The following CLIP2 variants were observed in gnomAD, a reference collection of about 807,000 sequenced individuals.
The protein encoded by CLIP2 is CAP-Gly domain-containing linker protein 2.
CLIP2 carries 41 observed loss-of-function variants against 111.7 expected under a neutral mutation model. The observed-to-expected ratio is 0.37, with a 90% CI of 0.29 to 0.48. The LOEUF is 0.48. Among genes scored for constraint, CLIP2 ranks in the 20% least tolerant of loss-of-function variants. The pLI, the probability that CLIP2 is intolerant of heterozygous loss-of-function variation, is 0.99. For missense variants in CLIP2, 1,160 were observed against 1,422.1 expected (o/e 0.82, Z 2.96); for synonymous variants, 660 against 644.2 (o/e 1.02, Z -0.37).
chr7:74,349,764 C>T (rs1554307158), intron 3 of CLIP2, among the ~76,000 whole-genome samples: 2 of 151,280 alleles, frequency 1.3e-5, no homozygotes, highest in African/African-American at 4.9e-5. Flanking sequence ...CAGGCGTGCA[C>T]CACCACGCCC....
chr7:74,366,875 C>CAAAAAA (rs35336151), intron 8 of CLIP2, among the ~76,000 whole-genome samples: 4 of 66,110 alleles, frequency 6.1e-5, no homozygotes, highest in South Asian at 6.0e-4. Flanking sequence ...GACTCCTTCT[C>CAAAAAA]AAAAAAAAAA....
intron 13 of CLIP2, among the ~76,000 whole-genome samples, chr7:74,394,714 G>A (rs1562729608): frequency 2.6e-5 from 4 of 152,194 alleles, no homozygotes; most frequent in Non-Finnish European, 4.4e-5. Context: ...CCCTGCCCAG[G>A]AGGGAAACAG....
intron 2 of CLIP2, among the ~76,000 whole-genome samples, chr7:74,323,019 G>A (rs1227810169): frequency 6.6e-6 from 1 of 151,998 alleles, no homozygotes; most frequent in Non-Finnish European, 1.5e-5. Context: ...ATGAGCCACC[G>A]CGCCTGGCCC....
chr7:74,397,020 G>A (rs1791469389), intron 13 of CLIP2, 54 bp from the exon 14 acceptor site: 18 of 1,587,764 alleles, frequency 1.1e-5, no homozygotes, highest in Admixed American at 8.6e-5. Flanking sequence ...TAGAGTGTGG[G>A]AGCTGGAGGA....
At chr7:74,325,272 G>A (rs1329728091) in intron 2 of CLIP2, among the ~76,000 whole-genome samples, 2 of 152,150 alleles carry the variant, frequency 1.3e-5, no homozygotes, top group Non-Finnish European at 2.9e-5. Flanking sequence ...AGGAGGTGGT[G>A]CAGGGCTACA....
chr7:74,354,822 C>T (rs962516952), intron 4 of CLIP2, among the ~76,000 whole-genome samples: 3 of 152,206 alleles, frequency 2.0e-5, no homozygotes, highest in South Asian at 2.1e-4. Context: ...AGGCAGCAGT[C>T]CCTGTCATCT....
Position 74,404,168 on chromosome 7 carries a change from A to C in CLIP2, c.*320A>C. 1 of 393,016 alleles carries C rather than the reference A, an allele frequency of 2.5e-6. No homozygotes were observed. The highest frequency in any genetic ancestry group is 2.6e-5 in the South Asian group (1 of 38,352). 24.3% of individuals were successfully genotyped at this position (393,016 alleles called of 1,614,324 possible). On this transcript the variant is annotated 3_prime_UTR_variant, in exon 17 of 17. Transcript: ENST00000223398. Reference sequence around the variant, plus strand: ...GATCCGGCCAGGCCCCTCTGTCCAGAAGGAGCTGCCCTGAGGACCATCTTA... The same window carrying C: ...GATCCGGCCAGGCCCCTCTGTCCAGCAGGAGCTGCCCTGAGGACCATCTTA...
chr7:74,297,520 C>A (rs1026320669), intron 1 of CLIP2, among the ~76,000 whole-genome samples: 6 of 152,016 alleles, frequency 3.9e-5, no homozygotes, highest in Non-Finnish European at 8.8e-5. Flanking sequence ...AAAGCAGGGC[C>A]CCCCCTTTGA....
chr7:74,396,969 C>A (rs367819935), intron 13 of CLIP2, 105 bp from the exon 14 acceptor site: 1 of 1,402,212 alleles, frequency 7.1e-7, no homozygotes, highest in Non-Finnish European at 9.7e-7. Context: ...TAGCCCATGT[C>A]CCCCACCAGT....
chr7:74,372,477 G>T (rs962235330), intron 8 of CLIP2, among the ~76,000 whole-genome samples: 2 of 151,696 alleles, frequency 1.3e-5, no homozygotes, highest in African/African-American at 4.8e-5. Flanking sequence ...CCTGTGTGGA[G>T]GATGCTTTGC....
At chr7:74,394,963 G>A (rs191951687) in intron 13 of CLIP2, among the ~76,000 whole-genome samples, 103 of 152,218 alleles carry the variant, frequency 6.8e-4, no homozygotes, top group African/African-American at 1.3e-3. Flanking sequence ...GCTGAGTCTC[G>A]ATAGAACTTT....
intron 7 of CLIP2, 96 bp from the exon 8 acceptor site, chr7:74,364,159 A>G (rs1790411000): frequency 8.7e-7 from 1 of 1,153,572 alleles, no homozygotes; most frequent in East Asian, 2.6e-5. Flanking sequence ...ATTCTGGGCC[A>G]TTCTCATGGC....
chr7:74,380,734 C>G (rs1790918502), intron 10 of CLIP2, 72 bp from the exon 11 acceptor site: 2 of 1,334,998 alleles, frequency 1.5e-6, no homozygotes, highest in Non-Finnish European at 1.0e-6. Context: ...TGCAGGTGTG[C>G]TTGCTGGGCT....
chr7:74,389,154 A>C lies in CLIP2; in HGVS notation c.2615A>C (p.Lys872Thr), dbSNP rs548692541. Residue 872 changes from lysine (K) to threonine (T), a missense_variant, in exon 13 of 17, where the codon AAG (lysine) becomes ACG (threonine). Transcript: ENST00000223398. ...GAGAAGAAGGTGGACGCCCTCCTGAAGGAGAAGCGGCGCCTGGAGGCAGAG... is the reference window on the plus strand; with the variant it reads ...GAGAAGAAGGTGGACGCCCTCCTGACGGAGAAGCGGCGCCTGGAGGCAGAG... The part of the protein sequence containing the change: ...SGEKKVDALL[K>T]EKRRLEAELE... 1 of 1,613,730 alleles carries C rather than the reference A, an allele frequency of 6.2e-7. No homozygotes were observed. The highest frequency in any genetic ancestry group is 8.5e-7 in the Non-Finnish European group (1 of 1,179,934).
At chr7:74,349,422 T>A (rs1789905957) in intron 3 of CLIP2, among the ~76,000 whole-genome samples, 2 of 82,672 alleles carry the variant, frequency 2.4e-5, no homozygotes, top group Admixed American at 1.7e-4. Context: ...AAAGCGAGAC[T>A]CTGTCTCAAA....
At chr7:74,320,195 CA>C (rs34079690) in intron 2 of CLIP2, among the ~76,000 whole-genome samples, 67,509 of 98,710 alleles carry the variant, frequency 0.68, 21,254 homozygotes, top group Middle Eastern at 0.79. Context: ...GATTCCATCT[CA>C]AAAAAAAAAA....
intron 1 of CLIP2, among the ~76,000 whole-genome samples, chr7:74,311,185 T>C (rs527762887): frequency 1.3e-5 from 2 of 152,112 alleles, no homozygotes. Context: ...TTCACTGTGT[T>C]AGCCAGAATG....
intron 1 of CLIP2, among the ~76,000 whole-genome samples, chr7:74,297,385 G>T (rs1554726234): frequency 6.6e-6 from 1 of 152,128 alleles, no homozygotes; most frequent in African/African-American, 2.4e-5. Context: ...GCTGAGGCAG[G>T]AGGATTGCTT....
At chr7:74,381,467 A>G (rs1554313901) in intron 11 of CLIP2, 12 of 374,598 alleles carry the variant, frequency 3.2e-5, no homozygotes, top group South Asian at 2.5e-4. Context: ...GATTACAGGC[A>G]TGAGCCACCG....
Sources: gnomAD v4.1 joint callset for allele counts (sites outside exome capture counted in the v4.1 genomes callset) on GRCh38, gnomAD v4.1.1 for gene constraint, MANE v1.5 for transcripts, NCBI Gene and HGNC (gene_info 2026-07-23, HGNC 2026-07-21) for gene names.